The following WDR5 variants were observed in gnomAD, a reference collection of about 807,000 sequenced individuals.
WDR5 encodes WD repeat-containing protein 5.
For missense variants in WDR5, 187 were observed against 416.9 expected, an observed-to-expected ratio of 0.45 and a Z score of 4.80; for synonymous variants, 144 against 161.6, an observed-to-expected ratio of 0.89 and a Z score of 0.83.
At chr9:134,145,865 A>C (rs997541744) in intron 7 of WDR5, among the ~76,000 whole-genome samples, 2 of 151,246 alleles carry the variant, frequency 1.3e-5, no homozygotes, top group African/African-American at 2.4e-5. Context: ...GAGCACTTGG[A>C]GTGCTCCTTG....
At chr9:134,156,791 G>A (rs530200519) in intron 13 of WDR5, among the ~76,000 whole-genome samples, 198 bp downstream of exon 13, 4 of 152,194 alleles carry the variant, frequency 2.6e-5, no homozygotes, top group Non-Finnish European at 5.9e-5. Context: ...ACTCAGACCC[G>A]GGCTCCTGGC....
At chr9:134,142,594 C>A (rs771886484) in intron 6 of WDR5, 42 bp from the exon 7 acceptor site, 2 of 1,609,886 alleles carry the variant, frequency 1.2e-6, no homozygotes, top group African/African-American at 2.7e-5. Context: ...GGTTTGTCCC[C>A]TCTCCTTCCT....
intron 8 of WDR5, among the ~76,000 whole-genome samples, chr9:134,151,653 T>C (rs546658211): frequency 1.3e-5 from 2 of 152,324 alleles, no homozygotes; most frequent in African/African-American, 2.4e-5. Context: ...GGGCTGCTGC[T>C]GCCCCTCTCC....
At chr9:134,146,003 T>C (rs1461807904) in intron 7 of WDR5, among the ~76,000 whole-genome samples, 1 of 151,596 alleles carries the variant, frequency 6.6e-6, no homozygotes. Flanking sequence ...CTCACTTTGT[T>C]GCCCAGGCTG....
rs954667715 is a variant in WDR5 at position 134,159,934 on chromosome 9, T to A, written c.*1941T>A. 2.0e-5 allele frequency: 3 copies of A among 152,234 alleles called. No individual in the cohort carries two copies. The highest frequency in any genetic ancestry group is 7.2e-5 in the African/African-American group (3 of 41,466). 9.4% of individuals were successfully genotyped at this position (152,234 alleles called of 1,614,324 possible). ...TGTTGTAGATTTATGTAAAAATACA[T>A]TCTTTTTGAAAATAAAAATTTTCAT... On this transcript the variant is annotated 3_prime_UTR_variant, in exon 14 of 14. Coordinates refer to ENST00000358625, the MANE Select transcript of WDR5 (RefSeq NM_017588.3). The surrounding 1 kb of genome is among the most constrained non-coding windows in gnomAD (Gnocchi z 4.3).
At chr9:134,148,428 G>GTGCTTAACTAAGGGC in intron 8 of WDR5, 85 bp downstream of exon 8, 1 of 1,256,824 alleles carries the variant, frequency 8.0e-7, no homozygotes, top group Non-Finnish European at 1.1e-6. Flanking sequence ...TGGGGGTACA[G>GTGCTTAACTAAGGGC]CAGTGACAAA....
At position 134,139,991 on chromosome 9, in the gene WDR5, G is replaced by A. The variant is rs1409534383; in HGVS notation, c.81+33G>A. On this transcript the variant is annotated intron_variant, in intron 2 of 13. Transcript: ENST00000358625. ...CCCAGGGGCCCCTTGGACACCTTCC[G>A]GGGGCAAATACGCTTAGAGAGTCTC... The A allele has an allele frequency of 1.7e-5, 28 of 1,610,866 alleles. 1 individual carries two copies. In the South Asian group the frequency reaches 2.3e-4, roughly 13 times the overall value.
At position 134,158,141 on chromosome 9, in the gene WDR5, G is replaced by T. The variant is rs1378117657; in HGVS notation, c.*148G>T. 1.2e-5 allele frequency: 8 copies of T among 681,982 alleles called. No homozygotes were observed. In the African/African-American group the frequency reaches 1.4e-4, roughly 12 times the overall value. The allele number at this position is 681,982 out of a possible 1,614,324, so 42.2% of individuals were successfully genotyped here. On this transcript the variant is annotated 3_prime_UTR_variant, in exon 14 of 14. Coordinates refer to ENST00000358625, the MANE Select transcript of WDR5 (RefSeq NM_017588.3). Reference sequence around the variant, plus strand: ...CCTCCTCTCTGAAGATGATTTGGCCGAGCGGAAGGTGTGGACCACCGGAAA... The same window carrying T: ...CCTCCTCTCTGAAGATGATTTGGCCTAGCGGAAGGTGTGGACCACCGGAAA...
At chr9:134,155,908 C>T (rs199856750) in intron 12 of WDR5, 141 bp downstream of exon 12, 47 of 773,714 alleles carry the variant, frequency 6.1e-5, no homozygotes, top group East Asian at 3.6e-4. Flanking sequence ...AAGCGCACTG[C>T]GCCAAGTACC....
chr9:134,150,038 T>C (rs750130216), intron 8 of WDR5, among the ~76,000 whole-genome samples: 4 of 152,206 alleles, frequency 2.6e-5, no homozygotes, highest in Admixed American at 6.5e-5. Flanking sequence ...CTTTGAAGCT[T>C]ATCCCAACGA....
Position 134,158,810 on chromosome 9 carries a change from T to C in WDR5, c.*817T>C, listed in dbSNP as rs1832866100. On this transcript the variant is annotated 3_prime_UTR_variant, in exon 14 of 14. Coordinates refer to ENST00000358625, the MANE Select transcript of WDR5 (RefSeq NM_017588.3). Reference sequence around the variant, plus strand: ...AGGTGCTGAGGCTGGCTGCACCTGCTCTCTGAAGACGCCTTCCTCTCTAGG... The same window carrying C: ...AGGTGCTGAGGCTGGCTGCACCTGCCCTCTGAAGACGCCTTCCTCTCTAGG... The C allele has an allele frequency of 6.6e-6, 1 of 151,592 alleles. No individual in the cohort carries two copies. The highest frequency in any genetic ancestry group is 1.5e-5 in the Non-Finnish European group (1 of 68,002). The allele number at this position is 151,592 out of a possible 1,614,324, so 9.4% of individuals were successfully genotyped here. A position where few individuals can be genotyped will look rare whatever the true frequency, so the allele number is the denominator to read the frequency against.
At chr9:134,153,428 C>T (rs1011494328) in intron 9 of WDR5, among the ~76,000 whole-genome samples, 3 of 152,218 alleles carry the variant, frequency 2.0e-5, no homozygotes, top group Non-Finnish European at 2.9e-5. Flanking sequence ...TTGGCTGATG[C>T]GTTCATCTCT....
rs538998021 is a variant in WDR5, at chr9:134,159,786, G to A, written c.*1793G>A. The A allele has an allele frequency of 2.9e-4, 44 of 152,346 alleles. No homozygotes were observed. The highest frequency in any genetic ancestry group is 1.0e-3 in the African/African-American group (43 of 41,570). The allele number at this position is 152,346 out of a possible 1,614,324, so 9.4% of individuals were successfully genotyped here. Reference sequence around the variant, plus strand: ...CAGCCTGTGGCTGCCCTGCTGTGGGGGTCCTGGGGCCGGCGAGGCCCCTTC... The same window carrying A: ...CAGCCTGTGGCTGCCCTGCTGTGGGAGTCCTGGGGCCGGCGAGGCCCCTTC... On this transcript the variant is annotated 3_prime_UTR_variant, in exon 14 of 14. Coordinates refer to ENST00000358625, the MANE Select transcript of WDR5 (RefSeq NM_017588.3). The surrounding 1 kb of genome is among the most constrained non-coding windows in gnomAD (Gnocchi z 4.3).
chr9:134,141,435 G>T, intron 3 of WDR5, 75 bp from the exon 4 acceptor site: 2 of 1,483,184 alleles, frequency 1.3e-6, no homozygotes, highest in Admixed American at 3.4e-5. Flanking sequence ...TGTGGGAAAA[G>T]CTCAGACTTT....
chr9:134,143,039 G>A (rs1831977760), intron 7 of WDR5, among the ~76,000 whole-genome samples: 1 of 151,996 alleles, frequency 6.6e-6, no homozygotes, highest in Admixed American at 6.5e-5. Context: ...CTGATGCACG[G>A]GACAGGAAGG....
At chr9:134,156,395 A>G (rs1196845008) in intron 12 of WDR5, 111 bp from the exon 13 acceptor site, 6 of 1,100,646 alleles carry the variant, frequency 5.5e-6, no homozygotes, top group Non-Finnish European at 8.1e-6. Context: ...CGAGGCAGCC[A>G]CCAGCAGGGT....
Position 134,154,539 on chromosome 9 carries a change from C to T in WDR5, c.705C>T (p.Asp235=), listed in dbSNP as rs1355377630. 1 of 1,614,168 alleles carries T rather than the reference C, an allele frequency of 6.2e-7. No homozygotes were observed. Among genetic ancestry groups the T allele is most frequent in the Non-Finnish European group, 8.5e-7 (1 of 1,180,024 alleles). The change falls in exon 10 of 14, where the codon GAC becomes GAT. Residue 235 remains aspartate, a splice_region_variant and synonymous_variant. Coordinates refer to ENST00000358625, the MANE Select transcript of WDR5 (RefSeq NM_017588.3). ...AATACATCCTGGCCGCCACGCTGGACAAGTGAGTACTGCGTGGGACTGTGG... is the reference window on the plus strand; with the variant it reads ...AATACATCCTGGCCGCCACGCTGGATAAGTGAGTACTGCGTGGGACTGTGG... ...NGKYILAATL[D]NTLKLWDYSK...
At chr9:134,146,714 C>T (rs1356449790) in intron 7 of WDR5, among the ~76,000 whole-genome samples, 2 of 152,202 alleles carry the variant, frequency 1.3e-5, no homozygotes, top group African/African-American at 4.8e-5. Flanking sequence ...ATGGAGTTGG[C>T]CTTGTGAGTT....
rs777625380 is a variant in WDR5, at chr9:134,139,915, C to G, written c.38C>G (p.Ala13Gly). Residue 13 changes from alanine to glycine, a missense_variant, in exon 2 of 14, where the codon GCC (alanine) becomes GGC (glycine). Ala to Gly is a moderately conservative substitution (Grantham distance 60). Transcript: ENST00000358625. Reference sequence around the variant, plus strand: ...GAGAAGAAGCCCGAGACCGAGGCCGCCAGAGCACAGCCAACCCCTTCGTCA... The same window carrying G: ...GAGAAGAAGCCCGAGACCGAGGCCGGCAGAGCACAGCCAACCCCTTCGTCA... ...TEEKKPETEA[A>G]RAQPTPSSSA... 2 of 1,613,414 alleles carry G rather than the reference C, an allele frequency of 1.2e-6. No homozygotes were observed. Among genetic ancestry groups the G allele is most frequent in the East Asian group, 2.2e-5 (1 of 44,902 alleles).
Sources: gnomAD v4.1 joint callset for allele counts (sites outside exome capture counted in the v4.1 genomes callset) on GRCh38, gnomAD v4.1.1 for gene constraint, Gnocchi (gnomAD v3.1) non-coding constraint, MANE v1.5 for transcripts, NCBI Gene and HGNC (gene_info 2026-07-23, HGNC 2026-07-21) for gene names.